The following CADPS2 variants were observed in gnomAD, a reference collection of about 807,000 sequenced individuals.
CADPS2 encodes the protein calcium-dependent secretion activator 2.
A neutral mutation model predicts 172.5 loss-of-function variants in CADPS2; 93 were observed. The observed-to-expected ratio is 0.54, with a 90% confidence interval of 0.46 to 0.64. The LOEUF (loss-of-function observed/expected upper bound fraction) is 0.64. Among genes scored for constraint, CADPS2 ranks in the 30% least tolerant of loss-of-function variants. The pLI is 0.00. For missense variants in CADPS2, 1,420 were observed against 1,565.9 expected, an observed-to-expected ratio of 0.91 and a Z score of 1.57; for synonymous variants, 546 against 555.2, an observed-to-expected ratio of 0.98 and a Z score of 0.23.
chr7:122,756,348 T>G (rs890425971), intron 1 of CADPS2, among the ~76,000 whole-genome samples: 1 of 152,198 alleles, frequency 6.6e-6, no homozygotes, highest in Non-Finnish European at 1.5e-5. Flanking sequence ...TATACAATAG[T>G]CATTACTTTC....
rs558801075 is a variant in CADPS2, at chr7:122,574,899, C to A, written c.1335+6280G>T. ...TTAAAATCAAAACAGAAAATGATAT[C>A]TTTACGATGGAGAGAACTGGCAGAT... On this transcript the variant is annotated intron_variant, in intron 7 of 29. Transcript: ENST00000449022. Among the ~76,000 whole-genome samples, 26 of 152,144 alleles carry A rather than the reference C, an allele frequency of 1.7e-4. No individual in the cohort carries two copies. The South Asian group carries it at 4.6e-3, about 27-fold the overall frequency.
intron 24 of CADPS2, among the ~76,000 whole-genome samples, chr7:122,386,809 T>G (rs1336057366): frequency 3.9e-5 from 6 of 152,132 alleles, no homozygotes; most frequent in Non-Finnish European, 8.8e-5. Context: ...CTAAAATTCA[T>G]GGCCACTAAT....
intron 1 of CADPS2, among the ~76,000 whole-genome samples, chr7:122,861,659 CTAGAA>C (rs1408424739): frequency 3.9e-5 from 6 of 152,112 alleles, no homozygotes; most frequent in African/African-American, 1.2e-4. Flanking sequence ...TTCAAAACAA[CTAGAA>C]TAGAGGATTT....
At chr7:122,557,539 G>A (rs2065184367) in intron 7 of CADPS2, among the ~76,000 whole-genome samples, 1 of 152,112 alleles carries the variant, frequency 6.6e-6, no homozygotes, top group South Asian at 2.1e-4. Flanking sequence ...AGGCAGAATG[G>A]GGAGGGAAGA....
intron 7 of CADPS2, among the ~76,000 whole-genome samples, chr7:122,557,651 T>C (rs1438742096): frequency 6.6e-6 from 1 of 152,090 alleles, no homozygotes; most frequent in Non-Finnish European, 1.5e-5. Flanking sequence ...AAAAATGAAA[T>C]AGGACTTTGG....
chr7:122,795,141 G>A (rs1315421973), intron 1 of CADPS2, among the ~76,000 whole-genome samples: 2 of 150,968 alleles, frequency 1.3e-5, no homozygotes, highest in African/African-American at 4.9e-5. Context: ...GAAGGAGATT[G>A]AGACATAAAA....
At chr7:122,692,240 G>A (rs538082218) in intron 2 of CADPS2, among the ~76,000 whole-genome samples, 1 of 152,228 alleles carries the variant, frequency 6.6e-6, no homozygotes, top group Admixed American at 6.5e-5. Context: ...CGGGGGTGCA[G>A]GCACCATATA....
At chr7:122,752,422 T>C (rs541279699) in intron 1 of CADPS2, among the ~76,000 whole-genome samples, 5 of 152,254 alleles carry the variant, frequency 3.3e-5, no homozygotes, top group African/African-American at 1.2e-4. Flanking sequence ...ACTGTGAAAT[T>C]TGGCAATAAG....
intron 1 of CADPS2, among the ~76,000 whole-genome samples, chr7:122,794,876 A>G (rs1796039278): frequency 6.6e-6 from 1 of 152,238 alleles, no homozygotes; most frequent in Middle Eastern, 3.4e-3. Context: ...GAATTGGGGG[A>G]AATAATGAAA....
At chr7:122,358,334 AAT>A (rs1426162389) in intron 27 of CADPS2, among the ~76,000 whole-genome samples, 2 of 152,058 alleles carry the variant, frequency 1.3e-5, no homozygotes, top group African/African-American at 2.4e-5. Context: ...CATATTGTTG[AAT>A]ATTAAGGGTT....
At chr7:122,513,750 C>T (rs1016898351) in intron 8 of CADPS2, among the ~76,000 whole-genome samples, 6 of 152,200 alleles carry the variant, frequency 3.9e-5, no homozygotes, top group African/African-American at 1.4e-4. Flanking sequence ...TGAAGGGTCA[C>T]TGTCCAGCTG....
intron 1 of CADPS2, among the ~76,000 whole-genome samples, chr7:122,859,164 A>C (rs1816206200): frequency 6.6e-6 from 1 of 152,182 alleles, no homozygotes; most frequent in South Asian, 2.1e-4. Flanking sequence ...TAATATTTTC[A>C]ATTTCACTGG....
At chr7:122,603,728 G>C (rs2073111506) in intron 6 of CADPS2, among the ~76,000 whole-genome samples, 1 of 152,018 alleles carries the variant, frequency 6.6e-6, no homozygotes, top group Non-Finnish European at 1.5e-5. Flanking sequence ...AAAACCATTT[G>C]TACTGATAAA....
intron 28 of CADPS2, among the ~76,000 whole-genome samples, chr7:122,340,855 TAAAAAA>T (rs5887084): frequency 2.2e-5 from 3 of 137,798 alleles, no homozygotes; most frequent in African/African-American, 8.0e-5. Context: ...CCTTATGTGT[TAAAAAA>T]AAAAAAAAAA....
rs539260256 is a variant in CADPS2, at chr7:122,525,810, C to CTGTAA, written c.1476-12496_1476-12495insTTACA. 3.7e-3 allele frequency among the ~76,000 whole-genome samples: 563 copies of CTGTAA among 152,242 alleles called. 3 individuals carry two copies. The highest frequency in any genetic ancestry group is 3.7e-3 in the Non-Finnish European group (253 of 68,020). ...ATGGTTAATTGAGAAATTAACTGGG[C>CTGTAA]TACATGGTACAGCCCATTTCTCCTA... On this transcript the variant is annotated intron_variant, in intron 8 of 29. Coordinates refer to ENST00000449022, the MANE Select transcript of CADPS2 (RefSeq NM_017954.11).
chr7:122,646,237 T>C (rs964978314), intron 3 of CADPS2, among the ~76,000 whole-genome samples: 1 of 152,078 alleles, frequency 6.6e-6, no homozygotes, highest in African/African-American at 2.4e-5. Flanking sequence ...TATATGTAAG[T>C]GCCCAACAAT....
At chr7:122,808,161 A>G (rs998472806) in intron 1 of CADPS2, among the ~76,000 whole-genome samples, 2 of 152,088 alleles carry the variant, frequency 1.3e-5, no homozygotes, top group Admixed American at 6.6e-5. Context: ...CGATTACCAG[A>G]TTGGTTATTG....
intron 1 of CADPS2, among the ~76,000 whole-genome samples, chr7:122,843,947 G>T (rs1046225257): frequency 2.0e-5 from 3 of 152,194 alleles, no homozygotes; most frequent in Non-Finnish European, 4.4e-5. Context: ...CAAAGAATTC[G>T]AGATGAGTAC....
intron 6 of CADPS2, among the ~76,000 whole-genome samples, chr7:122,605,358 GAT>G (rs1356540528): frequency 3.9e-5 from 6 of 152,204 alleles, no homozygotes; most frequent in African/African-American, 1.4e-4. Flanking sequence ...GTCACTAAGA[GAT>G]AGGAATTTTT....
Sources: allele counts gnomAD v4.1 joint callset (sites outside exome capture counted in the v4.1 genomes callset), GRCh38; gene constraint gnomAD v4.1.1; transcripts MANE v1.5; gene names NCBI Gene and HGNC (gene_info 2026-07-23, HGNC 2026-07-21).